ANO4: variants seen among roughly 807,000 people sequenced by gnomAD.
ANO4 encodes the protein anoctamin-4.
ANO4 carries 69 observed loss-of-function variants against 141.9 expected under a neutral mutation model. The ratio of observed to expected loss-of-function variants is 0.49; its 90% CI spans 0.40 to 0.59. The LOEUF is 0.59. Among genes scored for constraint, ANO4 ranks in the 20% least tolerant of loss-of-function variants. ANO4 has a pLI of 0.00. For missense variants in ANO4, 894 were observed against 1,162.2 expected (o/e 0.77, Z 3.36); for synonymous variants, 350 against 394.3 (o/e 0.89, Z 1.33).
chr12:100,977,890 A>G (rs1211413737), intron 7 of ANO4, among the ~76,000 whole-genome samples: 1 of 152,148 alleles, frequency 6.6e-6, no homozygotes, highest in Non-Finnish European at 1.5e-5. Context: ...CTCCATCCAT[A>G]TTGAGCTCAT....
intron 1 of ANO4, among the ~76,000 whole-genome samples, chr12:100,900,824 G>T (rs1269306741): frequency 6.6e-6 from 1 of 152,186 alleles, no homozygotes; most frequent in Non-Finnish European, 1.5e-5. Context: ...AAAATGGCTA[G>T]TAAAGGCAGG....
chr12:100,814,757 C>T (rs2035636929), intron 1 of ANO4, among the ~76,000 whole-genome samples: 1 of 152,048 alleles, frequency 6.6e-6, no homozygotes, highest in Admixed American at 6.6e-5. Context: ...TGTTGGGGCC[C>T]TGGTGAATGT....
At position 100,901,756 on chromosome 12, in the gene ANO4, T is replaced by G. The variant is rs374591511; in HGVS notation, c.-30T>G. 8.7e-6 allele frequency: 14 copies of G among 1,610,604 alleles called. No homozygotes were observed. The highest frequency in any genetic ancestry group is 1.7e-5 in the Admixed American group (1 of 60,002). The stretch of plus-strand genomic sequence containing the variant: ...TCGCCTGCCTGTGGTCAGGCATTCC[T>G]CACTCCCACCAGGCAGAAGGTCAAT... On this transcript the variant is annotated 5_prime_UTR_variant, in exon 2 of 28. Coordinates refer to ENST00000392977, the MANE Select transcript of ANO4 (RefSeq NM_001286615.2).
chr12:100,902,347 A>T (rs1052507770), intron 2 of ANO4, among the ~76,000 whole-genome samples: 2 of 152,186 alleles, frequency 1.3e-5, no homozygotes, highest in African/African-American at 4.8e-5. Context: ...TAAAATATTA[A>T]AATGATTCTA....
intron 8 of ANO4, among the ~76,000 whole-genome samples, chr12:101,011,993 T>A (rs1441368376): frequency 6.6e-6 from 1 of 150,914 alleles, no homozygotes; most frequent in African/African-American, 2.4e-5. Flanking sequence ...AAAAAAAAAA[T>A]GGAAAAACCA....
intron 8 of ANO4, among the ~76,000 whole-genome samples, chr12:101,018,725 T>A (rs1436298511): frequency 6.6e-6 from 1 of 152,196 alleles, no homozygotes; most frequent in African/African-American, 2.4e-5. Context: ...ACAGAAGTGA[T>A]GATTCAGCCC....
At chr12:100,975,889 T>C (rs758956545) in intron 7 of ANO4, among the ~76,000 whole-genome samples, 4 of 144,856 alleles carry the variant, frequency 2.8e-5, no homozygotes, top group African/African-American at 5.2e-5. Context: ...CATATGCAGA[T>C]GTATAGCCTC....
At chr12:100,970,664 T>TG (rs1566071751) in intron 5 of ANO4, among the ~76,000 whole-genome samples, 218 of 16,632 alleles carry the variant, frequency 0.013, 7 homozygotes, top group African/African-American at 0.055. Context: ...TCCCTCCCTC[T>TG]CCTTCCTTCC....
In ANO4 at chr12:100,738,973, C is replaced by T. The variant is rs374208873; in HGVS notation, c.107-881C>T. Among the ~76,000 whole-genome samples, 5 of 149,848 alleles carry T rather than the reference C, an allele frequency of 3.3e-5. No individual in the cohort carries two copies. In the East Asian group the frequency reaches 9.7e-4, roughly 29 times the overall value. ...CTTACGTCTTCTGATCCTCCTTGCT[C>T]CTGGTAATCACCGGTCCACTCTTTG... On this transcript the variant is annotated intron_variant, in intron 2 of 29. Coordinates refer to the ANO4 transcript ENST00000644049.
chr12:100,844,792 T>A (rs1415039200), intron 1 of ANO4, among the ~76,000 whole-genome samples: 2 of 151,742 alleles, frequency 1.3e-5, no homozygotes, highest in Non-Finnish European at 2.9e-5. Context: ...GGAGGGATAG[T>A]CAAAGCAAGA....
intron 3 of ANO4, among the ~76,000 whole-genome samples, chr12:100,744,154 C>T (rs17478569): frequency 0.19 from 28,836 of 152,092 alleles, 3,177 homozygotes; most frequent in Non-Finnish European, 0.25. Flanking sequence ...ACTTTCAACC[C>T]GGATATATCC....
intron 1 of ANO4, among the ~76,000 whole-genome samples, chr12:100,807,074 T>C (rs1235673541): frequency 2.0e-5 from 3 of 152,254 alleles, no homozygotes; most frequent in Non-Finnish European, 4.4e-5. Context: ...TGTATTTTTA[T>C]GTAAATAAAA....
At chr12:100,817,294 A>G (rs893049444) in intron 1 of ANO4, among the ~76,000 whole-genome samples, 3 of 151,898 alleles carry the variant, frequency 2.0e-5, no homozygotes, top group Admixed American at 1.3e-4. Context: ...AGCTTTATCT[A>G]TGGTATATTA....
intron 22 of ANO4, among the ~76,000 whole-genome samples, chr12:101,107,493 A>T (rs946623394): frequency 2.6e-5 from 4 of 152,104 alleles, no homozygotes; most frequent in Non-Finnish European, 4.4e-5. Flanking sequence ...TCAAGAGGGT[A>T]TATTTGAGTA....
At chr12:101,043,712 C>G in intron 13 of ANO4, 77 bp downstream of exon 13, 1 of 1,036,264 alleles carries the variant, frequency 9.7e-7, no homozygotes, top group Admixed American at 1.8e-5. Flanking sequence ...TAACTCTATT[C>G]TGTCATTTCC....
intron 3 of ANO4, among the ~76,000 whole-genome samples, chr12:100,746,478 A>G (rs556975532): frequency 6.6e-6 from 1 of 151,886 alleles, no homozygotes; most frequent in African/African-American, 2.4e-5. Context: ...TGAATCTAGA[A>G]GAAACGATGA....
chr12:100,786,989 C>T (rs1256090318), intron 3 of ANO4, among the ~76,000 whole-genome samples: 4 of 152,162 alleles, frequency 2.6e-5, no homozygotes, highest in Admixed American at 6.5e-5. Context: ...AAAACACTCT[C>T]CCATCCCTGA....
At chr12:101,103,661 A>C (rs886317700) in intron 22 of ANO4, among the ~76,000 whole-genome samples, 1 of 151,830 alleles carries the variant, frequency 6.6e-6, no homozygotes, top group African/African-American at 2.4e-5. Context: ...TATGATATTT[A>C]TATATACATT....
chr12:101,059,065 G>C (rs1179303497), intron 14 of ANO4, among the ~76,000 whole-genome samples: 2 of 152,078 alleles, frequency 1.3e-5, no homozygotes, highest in African/African-American at 4.8e-5. Context: ...AGAGTTTTTA[G>C]CATGAAGCGG....
Sources: allele counts gnomAD v4.1 joint callset (sites outside exome capture counted in the v4.1 genomes callset), GRCh38; gene constraint gnomAD v4.1.1; transcripts MANE v1.5; gene names NCBI Gene and HGNC (gene_info 2026-07-23, HGNC 2026-07-21).